CHUK: variants seen among roughly 807,000 people sequenced by gnomAD.
CHUK encodes component of inhibitor of nuclear factor kappa B kinase complex, also known as inhibitor of nuclear factor kappa-B kinase subunit alpha.
CHUK carries 35 observed loss-of-function variants against 104.8 expected under a neutral mutation model. The observed-to-expected ratio is 0.33, with a 90% CI of 0.26 to 0.44. The LOEUF (loss-of-function observed/expected upper bound fraction) is 0.44, where lower values mean the gene tolerates loss of function less well. Ranked by LOEUF, CHUK falls within the 20% of genes least tolerant of loss-of-function variation. The probability of loss-of-function intolerance (pLI) is 1.00; values close to 1 mark genes in which losing one functional copy is unlikely to be tolerated. For missense variants in CHUK, 663 were observed against 902.7 expected (o/e 0.73, Z 3.40); for synonymous variants, 276 against 291.9 (o/e 0.95, Z 0.56).
chr10:100,196,190 C>T (rs1388970461), intron 16 of CHUK, among the ~76,000 whole-genome samples: 2 of 152,180 alleles, frequency 1.3e-5, no homozygotes, highest in Non-Finnish European at 2.9e-5. Context: ...CAACTTCTAT[C>T]ACTTAAATCA....
At chr10:100,219,436 G>A (rs926845848) in intron 5 of CHUK, 77 bp from the exon 6 acceptor site, 1 of 856,286 alleles carries the variant, frequency 1.2e-6, no homozygotes, top group African/African-American at 1.7e-5. Context: ...TCCTTACGAG[G>A]CTGTAGACAG....
intron 16 of CHUK, among the ~76,000 whole-genome samples, chr10:100,197,071 T>A (rs1211597262): frequency 6.6e-6 from 1 of 152,182 alleles, no homozygotes; most frequent in Non-Finnish European, 1.5e-5. Flanking sequence ...TGAATACTTA[T>A]ACAAACCCTG....
chr10:100,202,581 C>G (rs748459178), intron 13 of CHUK, among the ~76,000 whole-genome samples: 1 of 152,144 alleles, frequency 6.6e-6, no homozygotes, highest in African/African-American at 2.4e-5. Flanking sequence ...CATGGCCCTG[C>G]CAACACCTCA....
Position 100,193,444 on chromosome 10 carries a change from A to G in CHUK, c.1975-13T>C. On this transcript the variant is annotated splice_polypyrimidine_tract_variant and intron_variant, in intron 18 of 20. Transcript: ENST00000370397. ...CAGAACTCTGTGTCTGAAGGAAAAG[A>G]AAAAAACATCAAAAGATTACAGGCA... 2 of 1,613,918 alleles carry G rather than the reference A, an allele frequency of 1.2e-6. No homozygotes were observed. Among genetic ancestry groups the G allele is most frequent in the South Asian group, 2.2e-5 (2 of 91,074 alleles).
intron 9 of CHUK, 68 bp downstream of exon 9, chr10:100,217,927 T>C: frequency 4.3e-6 from 6 of 1,388,380 alleles, no homozygotes; most frequent in East Asian, 2.3e-5. Flanking sequence ...ACTGTATTTA[T>C]GCTAATTTTC....
rs554980103 is a variant in CHUK at position 100,188,388 on chromosome 10, C to A, written c.*1210G>T. 1.7e-4 allele frequency: 26 copies of A among 152,662 alleles called. No homozygotes were observed. The East Asian group carries it at 4.6e-3, about 27-fold the overall frequency. The allele number at this position is 152,662 out of a possible 1,614,324, so 9.5% of individuals were successfully genotyped here. A position where few individuals can be genotyped will look rare whatever the true frequency, so the allele number is the denominator to read the frequency against. ...AAAGTAATTTAAAAACCATTTAATA[C>A]ACAAAGTGAAAAACTATTAGAATAT... is the stretch of plus-strand genomic sequence containing the variant. On this transcript the variant is annotated 3_prime_UTR_variant, in exon 21 of 21. Coordinates refer to ENST00000370397, the MANE Select transcript of CHUK (RefSeq NM_001278.5).
Position 100,188,391 on chromosome 10 carries a change from A to G in CHUK, c.*1207T>C, listed in dbSNP as rs1325567996. The stretch of plus-strand genomic sequence containing the variant: ...GTAATTTAAAAACCATTTAATACAC[A>G]AAGTGAAAAACTATTAGAATATAAA... On this transcript the variant is annotated 3_prime_UTR_variant, in exon 21 of 21. Transcript: ENST00000370397. 1 of 152,692 alleles carries G rather than the reference A, an allele frequency of 6.5e-6. No individual in the cohort carries two copies. Among genetic ancestry groups the G allele is most frequent in the African/African-American group, 2.4e-5 (1 of 41,476 alleles). 9.5% of individuals were successfully genotyped at this position (152,692 alleles called of 1,614,324 possible). A position where few individuals can be genotyped will look rare whatever the true frequency, so the allele number is the denominator to read the frequency against.
At chr10:100,193,828 T>C (rs927903679) in intron 18 of CHUK, 156 bp downstream of exon 18, 74 of 689,730 alleles carry the variant, frequency 1.1e-4, no homozygotes, top group South Asian at 1.0e-3. Context: ...TGCATCTCAA[T>C]TGCTAGTCTG....
intron 9 of CHUK, among the ~76,000 whole-genome samples, chr10:100,211,420 A>G (rs527758283): frequency 1.3e-5 from 2 of 152,038 alleles, no homozygotes; most frequent in African/African-American, 4.8e-5. Context: ...TCATTTTTGT[A>G]CCTTTTTTTT....
chr10:100,206,713 CTT>C (rs775903511), intron 11 of CHUK, among the ~76,000 whole-genome samples: 1 of 152,092 alleles, frequency 6.6e-6, no homozygotes, highest in Non-Finnish European at 1.5e-5. Flanking sequence ...AATAAAAAGA[CTT>C]TTAAAAAAGT....
chr10:100,210,724 A>T (rs1269907782), intron 9 of CHUK, among the ~76,000 whole-genome samples: 1 of 152,194 alleles, frequency 6.6e-6, no homozygotes, highest in Non-Finnish European at 1.5e-5. Context: ...TTACCTTTTT[A>T]TAAGACAACC....
chr10:100,193,896 G>A (rs1845263155), intron 18 of CHUK, 88 bp downstream of exon 18: 1 of 1,190,310 alleles, frequency 8.4e-7, no homozygotes, highest in Non-Finnish European at 1.2e-6. Context: ...GTCTTCAAGA[G>A]GGCCCACCTC....
chr10:100,197,705 A>C (rs1347721934), intron 16 of CHUK, among the ~76,000 whole-genome samples: 1 of 152,168 alleles, frequency 6.6e-6, no homozygotes, highest in African/African-American at 2.4e-5. Flanking sequence ...AGTGCTATAC[A>C]TACATGTGTC....
At chr10:100,220,729 G>GA in intron 4 of CHUK, 53 bp from the exon 5 acceptor site, 1 of 1,192,190 alleles carries the variant, frequency 8.4e-7, no homozygotes, top group Non-Finnish European at 1.2e-6. Flanking sequence ...TGAGTTAAAA[G>GA]AAAAATTCAC....
intron 20 of CHUK, among the ~76,000 whole-genome samples, 157 bp from the exon 21 acceptor site, chr10:100,189,784 GT>G (rs998270176): frequency 1.3e-5 from 2 of 148,902 alleles, no homozygotes; most frequent in Admixed American, 1.3e-4. Flanking sequence ...AAATTTCAGA[GT>G]TTTTTTCATA....
intron 14 of CHUK, among the ~76,000 whole-genome samples, chr10:100,201,518 C>T (rs1040243013): frequency 3.9e-5 from 6 of 152,168 alleles, no homozygotes; most frequent in African/African-American, 1.4e-4. Context: ...TACTGACTCC[C>T]ATTTAATCTT....
intron 20 of CHUK, 73 bp from the exon 21 acceptor site, chr10:100,189,700 C>T (rs1845149266): frequency 9.3e-7 from 1 of 1,071,976 alleles, no homozygotes; most frequent in Admixed American, 1.7e-5. Flanking sequence ...TTCATTTTTG[C>T]AAGTTTTCTG....
At chr10:100,205,522 C>T (rs1564834518) in intron 11 of CHUK, among the ~76,000 whole-genome samples, 1 of 152,166 alleles carries the variant, frequency 6.6e-6, no homozygotes, top group Admixed American at 6.5e-5. Flanking sequence ...CTTTTTCTCT[C>T]TGCTAATCCA....
At chr10:100,192,031 C>G (rs1845217822) in intron 19 of CHUK, among the ~76,000 whole-genome samples, 1 of 152,154 alleles carries the variant, frequency 6.6e-6, no homozygotes, top group Non-Finnish European at 1.5e-5. Flanking sequence ...AGCAGGAGAA[C>G]TGCTTGAATC....
Sources: allele counts gnomAD v4.1 joint callset (sites outside exome capture counted in the v4.1 genomes callset), GRCh38; gene constraint gnomAD v4.1.1; transcripts MANE v1.5; gene names NCBI Gene and HGNC (gene_info 2026-07-23, HGNC 2026-07-21).